RUVBL1: variants seen among roughly 807,000 people sequenced by gnomAD.
RUVBL1 encodes the protein RuvB like AAA ATPase 1, also known as ruvB-like 1.
A neutral mutation model predicts 52.4 loss-of-function variants in RUVBL1; 4 were observed. That is an observed-to-expected ratio of 0.08 (90% CI 0.04 to 0.17). The LOEUF (loss-of-function observed/expected upper bound fraction) is 0.17. RUVBL1 is among the 10% of genes least tolerant of loss of function. RUVBL1 has a pLI of 1.00. For synonymous variants in RUVBL1, 217 were observed against 214.4 expected (o/e 1.01, Z -0.10); for missense variants, 298 against 572.8 (o/e 0.52, Z 4.90).
intron 2 of RUVBL1, among the ~76,000 whole-genome samples, chr3:128,116,767 T>C (rs1943532138): frequency 6.6e-6 from 1 of 152,248 alleles, no homozygotes; most frequent in African/African-American, 2.4e-5. Flanking sequence ...GGCTCCCTCA[T>C]CTTTGTGATT....
At position 128,069,569 on chromosome 3, in the gene RUVBL1, G is replaced by A. The variant is rs764229882; in HGVS notation, c.940-4349C>T. On this transcript the variant is annotated intron_variant, in intron 9 of 9. Coordinates refer to the RUVBL1 transcript ENST00000464873. ...TAGGCGCCATTGGGTCTGGAACCGG[G>A]ATCCTGCTCGCAGTCACAATCATCT... 8.1e-6 allele frequency: 13 copies of A among 1,614,110 alleles called. No homozygotes were observed. The South Asian group carries it at 1.4e-4, about 18-fold the overall frequency.
intron 4 of RUVBL1, among the ~76,000 whole-genome samples, chr3:128,104,522 A>T (rs1337265597): frequency 6.6e-6 from 1 of 152,202 alleles, no homozygotes; most frequent in Non-Finnish European, 1.5e-5. Flanking sequence ...TTAACCACAC[A>T]GCTCACATTT....
intron 3 of RUVBL1, among the ~76,000 whole-genome samples, chr3:128,106,480 T>C (rs1269560401): frequency 6.7e-6 from 1 of 150,368 alleles, no homozygotes; most frequent in Non-Finnish European, 1.5e-5. Flanking sequence ...TCACACATTC[T>C]TCTTCCTCAT....
chr3:128,073,218 GC>G (rs1021251313), intron 9 of RUVBL1, among the ~76,000 whole-genome samples: 1 of 152,126 alleles, frequency 6.6e-6, no homozygotes, highest in Non-Finnish European at 1.5e-5. Context: ...AGGGAAACAG[GC>G]CCCACCCCCG....
chr3:128,074,706 G>C (rs935482833), intron 9 of RUVBL1, among the ~76,000 whole-genome samples: 1 of 152,010 alleles, frequency 6.6e-6, no homozygotes, highest in Non-Finnish European at 1.5e-5. Context: ...GCTGGGTGTG[G>C]TGGCATGCGC....
intron 1 of RUVBL1, chr3:128,153,181 A>G (rs1258457949): frequency 5.6e-6 from 7 of 1,243,738 alleles, no homozygotes; most frequent in Non-Finnish European, 7.1e-6. Context: ...GCTATAGAAA[A>G]GTTCTCCAAG....
chr3:128,150,814 T>TATTCTATATATTATATATTCTA (rs1944181164), intron 1 of RUVBL1, among the ~76,000 whole-genome samples: 1 of 91,004 alleles, frequency 1.1e-5, no homozygotes, highest in African/African-American at 4.4e-5. Flanking sequence ...ATTCTATATA[T>TATTCTATATATTATATATTCTA]TATATATTCT....
rs1356012677 is a variant in RUVBL1, at chr3:128,123,764, G to C, written c.-40C>G. 3 of 1,580,014 alleles carry C rather than the reference G, an allele frequency of 1.9e-6. No homozygotes were observed. Among genetic ancestry groups the C allele is most frequent in the South Asian group, 2.2e-5 (2 of 89,672 alleles). On this transcript the variant is annotated 5_prime_UTR_variant, in exon 1 of 11. Coordinates refer to ENST00000322623, the MANE Select transcript of RUVBL1 (RefSeq NM_003707.3). ...GAGCTAAAACCAGCGTGGAAAACCA[G>C]CAGCTAGGACAGTGCGCCCGGCGCC...
rs746787874 is a variant in RUVBL1 at position 128,097,522 on chromosome 3, G to A, written c.818-24C>T. 8 of 1,606,744 alleles carry A rather than the reference G, an allele frequency of 5.0e-6. No homozygotes were observed. The Admixed American group carries it at 1.0e-4, about 20-fold the overall frequency. ...GTCTAGGAGATGCAAGGATGGGCAG[G>A]CAAGGTCAGCACAGGGCTGGGGGAG... On this transcript the variant is annotated intron_variant, in intron 7 of 10. Transcript: ENST00000322623.
At position 128,082,678 on chromosome 3, in the gene RUVBL1, A is replaced by C. The variant is rs1244357048; in HGVS notation, c.1120-104T>G. The C allele has an allele frequency of 1.1e-6, 1 of 939,974 alleles. No individual in the cohort carries two copies. Among genetic ancestry groups the C allele is most frequent in the African/African-American group, 1.7e-5 (1 of 60,294 alleles). 58.2% of individuals were successfully genotyped at this position (939,974 alleles called of 1,614,324 possible). ...GCTCAGATTTCTCACTGTGCAGCAT[A>C]AGAGAAACTGAGACCTGGGTTGGTG... On this transcript the variant is annotated intron_variant, in intron 9 of 10. Coordinates refer to ENST00000322623, the MANE Select transcript of RUVBL1 (RefSeq NM_003707.3). The surrounding 1 kb of genome is among the most constrained non-coding windows in gnomAD (Gnocchi z 4.7).
intron 8 of RUVBL1, among the ~76,000 whole-genome samples, chr3:128,090,135 G>A (rs1942793906): frequency 6.6e-6 from 1 of 152,004 alleles, no homozygotes; most frequent in Non-Finnish European, 1.5e-5. Context: ...GCTTAAAAAT[G>A]GTTAAAATGG....
intron 3 of RUVBL1, among the ~76,000 whole-genome samples, chr3:128,109,375 T>C (rs1282266735): frequency 6.6e-6 from 1 of 151,982 alleles, no homozygotes; most frequent in Non-Finnish European, 1.5e-5. Context: ...TGAGACCCCA[T>C]CTCTACAAAA....
chr3:128,139,168 G>A (rs1943985029), intron 1 of RUVBL1, among the ~76,000 whole-genome samples: 2 of 152,074 alleles, frequency 1.3e-5, no homozygotes, highest in African/African-American at 4.8e-5. Flanking sequence ...CATAAACACA[G>A]ACAACCAAAA....
chr3:128,103,351 T>C (rs958361777), intron 4 of RUVBL1, among the ~76,000 whole-genome samples: 1 of 152,130 alleles, frequency 6.6e-6, no homozygotes, highest in African/African-American at 2.4e-5. Flanking sequence ...TACTGAGAAA[T>C]CTAATTAATT....
At chr3:128,069,141 C>G (rs111395280) in intron 9 of RUVBL1, among the ~76,000 whole-genome samples, 3 of 152,238 alleles carry the variant, frequency 2.0e-5, no homozygotes, top group African/African-American at 7.2e-5. Context: ...ATATATTTAA[C>G]CTAGTATATC....
At chr3:128,143,798 C>T (rs1944065629) in intron 1 of RUVBL1, among the ~76,000 whole-genome samples, 1 of 152,088 alleles carries the variant, frequency 6.6e-6, no homozygotes. Flanking sequence ...TCAGGCTCAT[C>T]CCTGGAACTG....
At chr3:128,132,199 C>T (rs1426664118) in intron 1 of RUVBL1, among the ~76,000 whole-genome samples, 1 of 152,184 alleles carries the variant, frequency 6.6e-6, no homozygotes, top group African/African-American at 2.4e-5. Context: ...TTAGACAAGC[C>T]CTAGCCAGAG....
At chr3:128,073,981 G>A (rs1559802177) in intron 9 of RUVBL1, among the ~76,000 whole-genome samples, 1 of 152,102 alleles carries the variant, frequency 6.6e-6, no homozygotes, top group Non-Finnish European at 1.5e-5. Flanking sequence ...AAACAATAGC[G>A]TATGCTACCA....
intron 8 of RUVBL1, among the ~76,000 whole-genome samples, chr3:128,090,483 C>T (rs1318516797): frequency 6.6e-6 from 1 of 152,208 alleles, no homozygotes; most frequent in Admixed American, 6.5e-5. Context: ...CGTGTCACTG[C>T]ACTCCAGCCT....
Sources: gnomAD v4.1 joint callset for allele counts (sites outside exome capture counted in the v4.1 genomes callset) on GRCh38, gnomAD v4.1.1 for gene constraint, Gnocchi (gnomAD v3.1) non-coding constraint, MANE v1.5 for transcripts, NCBI Gene and HGNC (gene_info 2026-07-23, HGNC 2026-07-21) for gene names.